Variants in RESF1 observed in about 807,000 individuals in gnomAD.
RESF1 encodes gonad expressed transcript.
In RESF1, 65 loss-of-function variants were observed where a neutral mutation model predicts 134.7. That is an observed-to-expected ratio of 0.48 (90% CI 0.40 to 0.59). The LOEUF is 0.59. Ranked by LOEUF, RESF1 falls within the 20% of genes least tolerant of loss-of-function variation. The pLI is 0.00. For synonymous variants in RESF1, 762 were observed against 702.2 expected, an observed-to-expected ratio of 1.09 and a Z score of -1.35; for missense variants, 2,274 against 2,002.7, an observed-to-expected ratio of 1.14 and a Z score of -2.59.
At chr12:31,962,859 A>G (rs1426617066) in intron 2 of RESF1, among the ~76,000 whole-genome samples, 1 of 152,186 alleles carries the variant, frequency 6.6e-6, no homozygotes, top group African/African-American at 2.4e-5. Context: ...GCACTTTGGG[A>G]GGCCAAGGTG....
In RESF1 at chr12:31,992,458, A is replaced by G; in HGVS notation, c.5167A>G (p.Lys1723Glu). ...EMLQNPVKDS[K>E]EMFQTYKQMY... ...GCTACAAAACCCAGTAAAAGATTCA[A>G]AAGAAATGTTTCAAACCTACAAACA... The change falls in exon 6 of 6, where the codon AAA becomes GAA. Residue 1723 changes from lysine (K) to glutamate (E), a missense_variant. Coordinates refer to ENST00000312561, the MANE Select transcript of RESF1 (RefSeq NM_018169.4). 6.2e-7 allele frequency: 1 copy of G among 1,614,034 alleles called. No homozygotes were observed. The highest frequency in any genetic ancestry group is 8.5e-7 in the Non-Finnish European group (1 of 1,179,928).
intron 3 of RESF1, among the ~76,000 whole-genome samples, chr12:31,976,718 TATTC>T (rs1220237250): frequency 6.6e-6 from 1 of 152,084 alleles, no homozygotes; most frequent in Non-Finnish European, 1.5e-5. Context: ...ATATATTTAC[TATTC>T]ATTAAGTGGA....
At chr12:31,978,148 T>C (rs1439071602) in intron 3 of RESF1, among the ~76,000 whole-genome samples, 3 of 152,184 alleles carry the variant, frequency 2.0e-5, no homozygotes, top group Admixed American at 2.0e-4. Context: ...CTTCAAATAT[T>C]TGAACATGGC....
In RESF1 at chr12:31,989,436, G is replaced by A. The variant is rs949649573; in HGVS notation, c.5086+2114G>A. Among the ~76,000 whole-genome samples, 9 of 147,360 alleles carry A rather than the reference G, an allele frequency of 6.1e-5. No homozygotes were observed. In the South Asian group the frequency reaches 1.3e-3, roughly 21 times the overall value. ...AAAAATAGGCAAAGAGGGGTTCAGA[G>A]CCTCAAAAATGGAGAGCAGCAGAAA... On this transcript the variant is annotated intron_variant, in intron 5 of 5. Coordinates refer to ENST00000312561, the MANE Select transcript of RESF1 (RefSeq NM_018169.4).
chr12:31,979,971 T>C (rs2120838956), intron 3 of RESF1, among the ~76,000 whole-genome samples: 1 of 152,120 alleles, frequency 6.6e-6, no homozygotes, highest in Non-Finnish European at 1.5e-5. Flanking sequence ...CCACCAGCTG[T>C]ATCCTGATGG....
At chr12:31,965,889 CAAA>C (rs10665492) in intron 2 of RESF1, among the ~76,000 whole-genome samples, 7 of 114,038 alleles carry the variant, frequency 6.1e-5, no homozygotes, top group Non-Finnish European at 7.2e-5. Context: ...GACTTCGTCT[CAAA>C]AAAAAAAAAA....
intron 3 of RESF1, among the ~76,000 whole-genome samples, chr12:31,978,535 G>GT (rs202163423): frequency 0.14 from 21,001 of 151,282 alleles, 1,568 homozygotes; most frequent in African/African-American, 0.19. Context: ...AGGTATTTGG[G>GT]GTTTTTTTTT....
chr12:31,983,462 A>G lies in RESF1; in HGVS notation c.2507A>G (p.Gln836Arg), dbSNP rs764858736. 4 of 1,614,044 alleles carry G rather than the reference A, an allele frequency of 2.5e-6. No individual in the cohort carries two copies. The highest frequency in any genetic ancestry group is 4.5e-5 in the East Asian group (2 of 44,872). ...ATSTKIFPLT[Q>R]KEKQNESTNG... ...TCAACCAAGATTTTTCCACTAACTC[A>G]GAAGGAAAAGCAGAATGAGTCAACT... The change falls in exon 4 of 6, where the codon CAG becomes CGG. Residue 836 changes from glutamine (Q) to arginine (R), a missense_variant. By Grantham distance (43) the Gln-to-Arg change is conservative. Transcript: ENST00000312561.
chr12:31,977,744 A>C (rs1048185231), intron 3 of RESF1, among the ~76,000 whole-genome samples: 2 of 151,880 alleles, frequency 1.3e-5, no homozygotes, highest in Admixed American at 6.6e-5. Context: ...TTGTTACCCC[A>C]AAAAATCAAA....
In RESF1 at chr12:31,980,966, A is replaced by G; in HGVS notation, c.11A>G (p.Asn4Ser). The G allele has an allele frequency of 6.3e-7, 1 of 1,599,632 alleles. No homozygotes were observed. The highest frequency in any genetic ancestry group is 1.7e-5 in the Admixed American group (1 of 57,584). MNW[N>S]EKPKSATLPP... Reference sequence around the variant, plus strand: ...TATATCAAACCGACAATGAATTGGAATGAAAAACCAAAGAGTGCTACATTA... The same window carrying G: ...TATATCAAACCGACAATGAATTGGAGTGAAAAACCAAAGAGTGCTACATTA... Residue 4 changes from asparagine (N) to serine (S), a missense_variant, in exon 4 of 6, where the codon AAT becomes AGT. Physicochemically the swap from Asn to Ser is conservative, Grantham distance 46. Transcript: ENST00000312561.
At chr12:31,962,051 A>G (rs1939281208) in intron 2 of RESF1, among the ~76,000 whole-genome samples, 1 of 152,140 alleles carries the variant, frequency 6.6e-6, no homozygotes, top group African/African-American at 2.4e-5. Flanking sequence ...GTTGGCCAAC[A>G]TGGCAAAACC....
intron 3 of RESF1, among the ~76,000 whole-genome samples, chr12:31,978,557 T>C (rs976508865): frequency 6.6e-6 from 1 of 152,014 alleles, no homozygotes; most frequent in Non-Finnish European, 1.5e-5. Flanking sequence ...TTTTTTGTTT[T>C]TTGTTTTGAG....
Position 31,985,376 on chromosome 12 carries a change from G to A in RESF1, c.4421G>A (p.Cys1474Tyr). Reference sequence around the variant, plus strand: ...AAAATCTGTGTGAAAAACGTGCCATGTGATTCTGAACATATGAGACCAAGT... The same window carrying A: ...AAAATCTGTGTGAAAAACGTGCCATATGATTCTGAACATATGAGACCAAGT... ...SKKICVKNVP[C>Y]DSEHMRPSKL... The change falls in exon 4 of 6, where the codon TGT becomes TAT. Residue 1474 changes from cysteine (C) to tyrosine (Y), a missense_variant. Transcript: ENST00000312561. 8.1e-6 allele frequency: 13 copies of A among 1,606,110 alleles called. No individual in the cohort carries two copies. Among genetic ancestry groups the A allele is most frequent in the Non-Finnish European group, 1.1e-5 (13 of 1,178,188 alleles).
chr12:31,981,777 C>A lies in RESF1; in HGVS notation c.822C>A (p.Asp274Glu), dbSNP rs140312693. 32 of 1,613,884 alleles carry A rather than the reference C, an allele frequency of 2.0e-5. 1 individual carries two copies. In the African/African-American group the frequency reaches 2.7e-4, roughly 13 times the overall value. ...VPSQQYATQT[D>E]KRPPPPPYNC... ...CACAGCAGTATGCCACGCAAACTGA[C>A]AAAAGACCTCCTCCTCCTCCTTACA... The change falls in exon 4 of 6, where the codon GAC becomes GAA. Residue 274 changes from aspartate (D) to glutamate (E), a missense_variant. Asp to Glu is a conservative substitution (Grantham distance 45). Transcript: ENST00000312561.
chr12:31,983,855 A>G lies in RESF1; in HGVS notation c.2900A>G (p.His967Arg), dbSNP rs1243632179. 1.2e-5 allele frequency: 19 copies of G among 1,613,450 alleles called. No homozygotes were observed. Residue 967 changes from histidine to arginine, a missense_variant, in exon 4 of 6, where the codon CAT (histidine) becomes CGT (arginine). Coordinates refer to ENST00000312561, the MANE Select transcript of RESF1 (RefSeq NM_018169.4). ...CCTGTACAGTGCACAGATGTTTCAC[A>G]TAAAATATGTGATCAGTCAAAGTCA... is the stretch of plus-strand genomic sequence containing the variant. ...DKPVQCTDVSHKICDQSKSEP... is the reference protein window; with the variant it reads ...DKPVQCTDVSRKICDQSKSEP...
intron 3 of RESF1, among the ~76,000 whole-genome samples, chr12:31,975,796 A>G (rs1467677174): frequency 4.6e-5 from 7 of 152,184 alleles, no homozygotes; most frequent in Non-Finnish European, 1.0e-4. Flanking sequence ...TTCATGTTGC[A>G]TATAGCCTTT....
chr12:31,992,364 T>A lies in RESF1; in HGVS notation c.5087-14T>A, dbSNP rs1940110888. The A allele has an allele frequency of 6.3e-7, 1 of 1,594,022 alleles. No individual in the cohort carries two copies. The highest frequency in any genetic ancestry group is 1.4e-5 in the African/African-American group (1 of 73,712). On this transcript the variant is annotated splice_polypyrimidine_tract_variant and intron_variant, in intron 5 of 5. Transcript: ENST00000312561. ...ATTGAGAAATAAAGTAAGTAAAGTT[T>A]TTATTTCCCTTAGATAATGTTAATT...
intron 3 of RESF1, among the ~76,000 whole-genome samples, chr12:31,978,215 AT>A (rs1014247992): frequency 3.9e-5 from 6 of 152,112 alleles, no homozygotes; most frequent in South Asian, 2.1e-4. Flanking sequence ...TTTTCTAAGT[AT>A]TTTTTTAATG....
chr12:31,967,254 A>G (rs1939417636), intron 2 of RESF1, among the ~76,000 whole-genome samples: 1 of 152,210 alleles, frequency 6.6e-6, no homozygotes, highest in Non-Finnish European at 1.5e-5. Context: ...CTGCAGTTAC[A>G]GAAGCATAGA....
Sources: allele counts gnomAD v4.1 joint callset (sites outside exome capture counted in the v4.1 genomes callset), GRCh38; gene constraint gnomAD v4.1.1; transcripts MANE v1.5; gene names NCBI Gene and HGNC (gene_info 2026-07-23, HGNC 2026-07-21).